Variants in CLEC16A observed in about 807,000 individuals in gnomAD.
The protein encoded by CLEC16A is protein CLEC16A.
A neutral mutation model predicts 109.5 loss-of-function variants in CLEC16A; 51 were observed. The observed-to-expected ratio is 0.47, with a 90% confidence interval of 0.37 to 0.59. CLEC16A has a LOEUF of 0.59. Among genes scored for constraint, CLEC16A ranks in the 20% least tolerant of loss-of-function variants. The pLI, the probability that CLEC16A is intolerant of heterozygous loss-of-function variation, is 0.00. For missense variants in CLEC16A, 1,339 were observed against 1,394.0 expected, an observed-to-expected ratio of 0.96 and a Z score of 0.63; for synonymous variants, 673 against 564.2, an observed-to-expected ratio of 1.19 and a Z score of -2.73.
At chr16:11,117,413 G>GTA (rs2052077745) in intron 19 of CLEC16A, among the ~76,000 whole-genome samples, 1 of 151,994 alleles carries the variant, frequency 6.6e-6, no homozygotes, top group Non-Finnish European at 1.5e-5. Flanking sequence ...CTCTGTACTA[G>GTA]TATTTCTTTG....
chr16:11,114,621 C>G (rs2051844197), intron 19 of CLEC16A, among the ~76,000 whole-genome samples: 1 of 152,186 alleles, frequency 6.6e-6, no homozygotes, highest in Admixed American at 6.5e-5. Flanking sequence ...TTCCATTCAG[C>G]ATTTCTCTCC....
intron 1 of CLEC16A, among the ~76,000 whole-genome samples, chr16:10,947,360 G>T (rs895711888): frequency 2.6e-5 from 4 of 151,702 alleles, no homozygotes; most frequent in African/African-American, 9.8e-5. Context: ...GCAGGCTGGT[G>T]GGGGAGACAG....
At chr16:10,994,438 C>G (rs1390020126) in intron 10 of CLEC16A, among the ~76,000 whole-genome samples, 1 of 152,222 alleles carries the variant, frequency 6.6e-6, no homozygotes, top group African/African-American at 2.4e-5. Flanking sequence ...CAGGTTCACT[C>G]TGCTGCACTC....
chr16:11,108,810 G>A (rs1019101657), intron 19 of CLEC16A, among the ~76,000 whole-genome samples: 1 of 152,140 alleles, frequency 6.6e-6, no homozygotes, highest in Non-Finnish European at 1.5e-5. Flanking sequence ...AGCAGCCATT[G>A]TCATTGATGA....
At chr16:11,116,871 A>C (rs1424790714) in intron 19 of CLEC16A, among the ~76,000 whole-genome samples, 2 of 152,250 alleles carry the variant, frequency 1.3e-5, no homozygotes, top group Non-Finnish European at 2.9e-5. Flanking sequence ...GTGGTAATAC[A>C]TAGCCATAAA....
chr16:11,132,865 G>T (rs970831970), intron 22 of CLEC16A, among the ~76,000 whole-genome samples: 12 of 152,254 alleles, frequency 7.9e-5, no homozygotes, highest in African/African-American at 2.6e-4. Context: ...ATGGGAGGCT[G>T]GGGGACAGAG....
intron 10 of CLEC16A, among the ~76,000 whole-genome samples, chr16:11,001,260 A>G (rs775559182): frequency 1.8e-4 from 28 of 152,022 alleles, no homozygotes; most frequent in Non-Finnish European, 3.1e-4. Context: ...TAATTTTTCT[A>G]TTTTTTGTAG....
chr16:10,966,451 G>A (rs1388857655), intron 3 of CLEC16A, among the ~76,000 whole-genome samples: 2 of 152,188 alleles, frequency 1.3e-5, no homozygotes, highest in Admixed American at 1.3e-4. Context: ...GGAGAGCTGG[G>A]AATGTCAGAT....
At chr16:11,160,327 C>T (rs1021800398) in intron 22 of CLEC16A, among the ~76,000 whole-genome samples, 3 of 152,140 alleles carry the variant, frequency 2.0e-5, no homozygotes, top group Admixed American at 6.5e-5. Flanking sequence ...TAGTCTCTCT[C>T]GGGCCTCGCT....
intron 3 of CLEC16A, 51 bp downstream of exon 3, chr16:10,962,639 GTGA>G: frequency 6.3e-7 from 1 of 1,595,886 alleles, no homozygotes; most frequent in African/African-American, 1.3e-5. Context: ...ATGTAGCAGG[GTGA>G]AGTTGGGCGT....
At chr16:11,166,652 C>A in intron 23 of CLEC16A, 100 bp downstream of exon 23, 4 of 1,237,132 alleles carry the variant, frequency 3.2e-6, no homozygotes, top group South Asian at 1.6e-5. Flanking sequence ...CTTGTCACAG[C>A]ACTTGAAGGA....
intron 22 of CLEC16A, among the ~76,000 whole-genome samples, chr16:11,163,264 C>T (rs557421709): frequency 1.5e-4 from 23 of 152,274 alleles, no homozygotes; most frequent in African/African-American, 5.5e-4. Context: ...GGGGAAAAAC[C>T]CCTTGAAATT....
intron 13 of CLEC16A, among the ~76,000 whole-genome samples, chr16:11,031,323 C>G (rs150987261): frequency 6.6e-6 from 1 of 152,242 alleles, no homozygotes; most frequent in East Asian, 1.9e-4. Context: ...GGGCAAGCTC[C>G]TCATCTTGGT....
intron 23 of CLEC16A, among the ~76,000 whole-genome samples, chr16:11,167,344 A>T (rs1387442040): frequency 6.6e-6 from 1 of 151,974 alleles, no homozygotes; most frequent in African/African-American, 2.4e-5. Context: ...AACTGCCTGC[A>T]CCTCTGACTG....
intron 22 of CLEC16A, chr16:11,135,990 C>T (rs567569717): frequency 6.6e-6 from 1 of 152,420 alleles, no homozygotes; most frequent in East Asian, 1.9e-4. Context: ...CTTCCCACCC[C>T]AGGGTGTCCA....
intron 7 of CLEC16A, among the ~76,000 whole-genome samples, chr16:10,976,842 T>C (rs1313910265): frequency 1.3e-5 from 2 of 152,250 alleles, no homozygotes; most frequent in Non-Finnish European, 2.9e-5. Flanking sequence ...TCTGGAGGCC[T>C]GCTTTTCTCT....
At chr16:11,149,612 C>G (rs573983300) in intron 22 of CLEC16A, among the ~76,000 whole-genome samples, 1 of 152,116 alleles carries the variant, frequency 6.6e-6, no homozygotes, top group South Asian at 2.1e-4. Flanking sequence ...AGCAACATGG[C>G]AAAACCCCAT....
intron 1 of CLEC16A, among the ~76,000 whole-genome samples, chr16:10,951,545 C>T (rs911172828): frequency 1.3e-5 from 2 of 152,174 alleles, no homozygotes; most frequent in Non-Finnish European, 2.9e-5. Context: ...AACCTAGGCA[C>T]CTCCTGTGCT....
chr16:11,017,118 A>G (rs1214073378), intron 11 of CLEC16A, among the ~76,000 whole-genome samples: 1 of 152,066 alleles, frequency 6.6e-6, no homozygotes, highest in Non-Finnish European at 1.5e-5. Flanking sequence ...TTGTGACCAC[A>G]TTGATCACAG....
Sources: allele counts gnomAD v4.1 joint callset (sites outside exome capture counted in the v4.1 genomes callset), GRCh38; gene constraint gnomAD v4.1.1; transcripts MANE v1.5; gene names NCBI Gene and HGNC (gene_info 2026-07-23, HGNC 2026-07-21).